Variants in IPO9 observed in about 807,000 individuals in gnomAD.
The protein encoded by IPO9 is importin 9.
In IPO9, 28 loss-of-function variants were observed where a neutral mutation model predicts 128.6. The ratio of observed to expected loss-of-function variants is 0.22; its 90% confidence interval spans 0.16 to 0.30. The LOEUF (loss-of-function observed/expected upper bound fraction) is 0.30, where lower values mean the gene tolerates loss of function less well. Ranked by LOEUF, IPO9 falls within the 10% of genes least tolerant of loss-of-function variation. IPO9 has a pLI of 1.00. For missense variants in IPO9, 935 were observed against 1,293.9 expected (o/e 0.72, Z 4.26); for synonymous variants, 455 against 475.8 (o/e 0.96, Z 0.57).
intron 1 of IPO9, 67 bp downstream of exon 1, chr1:201,829,439 G>A: frequency 7.0e-7 from 1 of 1,431,432 alleles, no homozygotes; most frequent in Non-Finnish European, 9.2e-7. Flanking sequence ...GCTCCGTACC[G>A]GCTGGGGACA....
intron 13 of IPO9, among the ~76,000 whole-genome samples, chr1:201,860,176 A>G (rs558168829): frequency 1.3e-5 from 2 of 152,168 alleles, no homozygotes; most frequent in Non-Finnish European, 2.9e-5. Flanking sequence ...TGTTTGCTCC[A>G]TTTTCGGTCC....
At chr1:201,832,740 A>G (rs1679861483) in intron 1 of IPO9, among the ~76,000 whole-genome samples, 1 of 152,206 alleles carries the variant, frequency 6.6e-6, no homozygotes, top group African/African-American at 2.4e-5. Context: ...GCTGTTTATT[A>G]GTCCATCACA....
At chr1:201,856,666 G>GT (rs997295293) in intron 10 of IPO9, among the ~76,000 whole-genome samples, 2 of 137,296 alleles carry the variant, frequency 1.5e-5, no homozygotes, top group African/African-American at 5.3e-5. Flanking sequence ...TTTTGTTTCA[G>GT]TTTTTGTTGT....
Position 201,853,116 on chromosome 1 carries a change from C to G in IPO9, c.690+19C>G, listed in dbSNP as rs147724148. On this transcript the variant is annotated intron_variant, in intron 6 of 23. Coordinates refer to ENST00000361565, the MANE Select transcript of IPO9 (RefSeq NM_018085.5). ...GGAAAAGGTAAGCAGGTCTTTGGAT[C>G]AATAACAGACTTCATGCTTAAAAGT... 59 of 1,595,514 alleles carry G rather than the reference C, an allele frequency of 3.7e-5. No homozygotes were observed. In the East Asian group the frequency reaches 1.3e-3, roughly 34 times the overall value.
intron 1 of IPO9, among the ~76,000 whole-genome samples, chr1:201,831,102 A>T (rs1158942524): frequency 6.6e-6 from 1 of 152,132 alleles, no homozygotes; most frequent in East Asian, 1.9e-4. Context: ...TTTTGGACTC[A>T]AGCGATCCTC....
At position 201,878,950 on chromosome 1, in the gene IPO9, T is replaced by C. The variant is rs1008618890; in HGVS notation, c.*2896T>C. On this transcript the variant is annotated 3_prime_UTR_variant, in exon 24 of 24. Transcript: ENST00000361565. ...AAAGTTCAAGGTAAGACAAATGAGG[T>C]AAAAATAAAAAAGAGCACTTAGCTG... 1.3e-5 allele frequency: 2 copies of C among 152,126 alleles called. No individual in the cohort carries two copies. The highest frequency in any genetic ancestry group is 4.8e-5 in the African/African-American group (2 of 41,422). 9.4% of individuals were successfully genotyped at this position (152,126 alleles called of 1,614,324 possible).
chr1:201,845,361 G>A (rs1340507856), intron 1 of IPO9, among the ~76,000 whole-genome samples: 1 of 152,136 alleles, frequency 6.6e-6, no homozygotes, highest in African/African-American at 2.4e-5. Flanking sequence ...CTGAGGTTTA[G>A]AAAGGAAACT....
At position 201,874,628 on chromosome 1, in the gene IPO9, T is replaced by C. The variant is rs867291494; in HGVS notation, c.2834-204T>C. The stretch of plus-strand genomic sequence containing the variant: ...TAGCCCTTCTTTGGTTTGATTCTTC[T>C]TAAGAGCCTGTCAACACTTATATCT... On this transcript the variant is annotated intron_variant, in intron 21 of 23. Transcript: ENST00000361565. 5.9e-5 allele frequency among the ~76,000 whole-genome samples: 9 copies of C among 152,334 alleles called. No homozygotes were observed. In the Middle Eastern group the frequency reaches 0.014, roughly 230 times the overall value.
chr1:201,852,291 C>T, intron 5 of IPO9, 99 bp downstream of exon 5: 1 of 669,722 alleles, frequency 1.5e-6, no homozygotes, highest in South Asian at 1.9e-5. Flanking sequence ...GATCTCAATA[C>T]CTAAAAACTA....
chr1:201,847,504 G>GA (rs543026966), intron 2 of IPO9, 48 bp from the exon 3 acceptor site: 49 of 1,519,544 alleles, frequency 3.2e-5, no homozygotes, highest in Non-Finnish European at 4.1e-5. Flanking sequence ...TTTTATGTGT[G>GA]AAAAAAATCT....
chr1:201,845,655 C>T (rs903728047), intron 1 of IPO9, among the ~76,000 whole-genome samples: 1 of 152,138 alleles, frequency 6.6e-6, no homozygotes, highest in Non-Finnish European at 1.5e-5. Flanking sequence ...TTCATTTAAC[C>T]TGATATAGAC....
intron 1 of IPO9, among the ~76,000 whole-genome samples, chr1:201,845,824 G>C (rs909990980): frequency 2.0e-5 from 3 of 152,170 alleles, no homozygotes; most frequent in African/African-American, 7.2e-5. Flanking sequence ...TACTGCATTG[G>C]ATAGCACAGC....
At position 201,870,585 on chromosome 1, in the gene IPO9, T is replaced by C; in HGVS notation, c.2136T>C (p.Asn712=). Residue 712 remains asparagine, a splice_region_variant and synonymous_variant, in exon 18 of 24, where the codon AAT becomes AAC. Coordinates refer to ENST00000361565, the MANE Select transcript of IPO9 (RefSeq NM_018085.5). The surrounding 1 kb of genome is among the most constrained non-coding windows in gnomAD (Gnocchi z 4.9). ...LHTDDNATMQ[N]GGECLRAYVS... Reference sequence around the variant, plus strand: ...GCTTGCCACCCCTGTCTCCCCAGAATGGCGGAGAGTGCTTGCGGGCCTATG... The same window carrying C: ...GCTTGCCACCCCTGTCTCCCCAGAACGGCGGAGAGTGCTTGCGGGCCTATG... 6.2e-7 allele frequency: 1 copy of C among 1,611,388 alleles called. No homozygotes were observed. Among genetic ancestry groups the C allele is most frequent in the Non-Finnish European group, 8.5e-7 (1 of 1,177,836 alleles).
chr1:201,857,553 G>C (rs1571548616), intron 11 of IPO9, among the ~76,000 whole-genome samples: 1 of 152,026 alleles, frequency 6.6e-6, no homozygotes, highest in African/African-American at 2.4e-5. Flanking sequence ...CCCAGCACTT[G>C]GGGAGGCCGA....
rs866741649 is a variant in IPO9 at position 201,884,146 on chromosome 1, C to G, written c.*8092C>G. On this transcript the variant is annotated 3_prime_UTR_variant, in exon 24 of 24. Transcript: ENST00000361565. ...GGAGCTAGACTGCCTGGATTTGAAC[C>G]CTGGCTTTGCCACTTGCCTGTTGGG... is the stretch of plus-strand genomic sequence containing the variant. 2.6e-5 allele frequency: 4 copies of G among 152,368 alleles called. No homozygotes were observed. The Middle Eastern group carries it at 0.01, about 389-fold the overall frequency. The allele number at this position is 152,368 out of a possible 1,614,324, so 9.4% of individuals were successfully genotyped here.
At position 201,866,725 on chromosome 1, in the gene IPO9, C is replaced by T. The variant is rs377710803; in HGVS notation, c.1629-8C>T. On this transcript the variant is annotated splice_region_variant and splice_polypyrimidine_tract_variant and intron_variant, in intron 14 of 23. Coordinates refer to ENST00000361565, the MANE Select transcript of IPO9 (RefSeq NM_018085.5). Reference sequence around the variant, plus strand: ...TTTAATAATTCTTGCTTATCTATCTCTCTCTAGTTATTGTGACCAACTGAA... The same window carrying T: ...TTTAATAATTCTTGCTTATCTATCTTTCTCTAGTTATTGTGACCAACTGAA... 1 of 1,601,940 alleles carries T rather than the reference C, an allele frequency of 6.2e-7. No homozygotes were observed. The highest frequency in any genetic ancestry group is 8.6e-7 in the Non-Finnish European group (1 of 1,169,158).
intron 1 of IPO9, among the ~76,000 whole-genome samples, chr1:201,846,885 T>C (rs1368036606): frequency 1.3e-5 from 2 of 152,052 alleles, no homozygotes; most frequent in Non-Finnish European, 1.5e-5. Context: ...GCCAAGGTGA[T>C]CTCAAACTCC....
intron 20 of IPO9, among the ~76,000 whole-genome samples, chr1:201,873,271 C>A (rs530134994): frequency 3.0e-4 from 45 of 151,730 alleles, no homozygotes; most frequent in African/African-American, 9.7e-4. Flanking sequence ...ATGGTGAAAT[C>A]CCGTCTTTAC....
At chr1:201,861,331 G>T (rs1036053650) in intron 13 of IPO9, among the ~76,000 whole-genome samples, 2 of 152,170 alleles carry the variant, frequency 1.3e-5, no homozygotes, top group African/African-American at 2.4e-5. Context: ...TTACAGTGAT[G>T]CCAAAGCAAT....
Sources: allele counts gnomAD v4.1 joint callset (sites outside exome capture counted in the v4.1 genomes callset), GRCh38; gene constraint gnomAD v4.1.1; non-coding constraint Gnocchi (gnomAD v3.1); transcripts MANE v1.5; gene names NCBI Gene and HGNC (gene_info 2026-07-23, HGNC 2026-07-21).